The following MAP1S variants were observed in gnomAD, a reference collection of about 807,000 sequenced individuals.
The protein encoded by MAP1S is microtubule associated protein 1S.
In MAP1S, 27 loss-of-function variants were observed where a neutral mutation model predicts 60.9. The ratio of observed to expected loss-of-function variants is 0.44; its 90% confidence interval spans 0.33 to 0.61. The LOEUF is 0.61. Ranked by LOEUF, MAP1S falls within the 20% of genes least tolerant of loss-of-function variation. MAP1S has a pLI of 0.03. For synonymous variants in MAP1S, 826 were observed against 694.2 expected, an observed-to-expected ratio of 1.19 and a Z score of -2.98; for missense variants, 1,608 against 1,486.6, an observed-to-expected ratio of 1.08 and a Z score of -1.34.
rs1690960157 is a variant in MAP1S, at chr19:17,727,732, C to T, written c.2348C>T (p.Pro783Leu). 6.2e-7 allele frequency: 1 copy of T among 1,606,114 alleles called. No homozygotes were observed. The highest frequency in any genetic ancestry group is 1.1e-5 in the South Asian group (1 of 90,538). ...GGTGGGCTGGGGGCCGAGGAGACGC[C>T]ACCCACATCGGTCAGCGAGTCCCTG... ...RAGGLGAEET[P>L]PTSVSESLPT... The change falls in exon 5 of 7, where the codon CCA becomes CTA. Residue 783 changes from proline (P) to leucine (L), a missense_variant. Transcript: ENST00000324096. The surrounding 1 kb of genome is among the most constrained non-coding windows in gnomAD (Gnocchi z 4.1).
Position 17,727,034 on chromosome 19 carries a change from C to G in MAP1S, c.1650C>G (p.Asn550Lys), listed in dbSNP as rs773407229. 6.2e-7 allele frequency: 1 copy of G among 1,605,032 alleles called. No homozygotes were observed. The highest frequency in any genetic ancestry group is 8.5e-7 in the Non-Finnish European group (1 of 1,176,772). The change falls in exon 5 of 7, where the codon AAC becomes AAG. Residue 550 changes from asparagine (N) to lysine (K), a missense_variant. Physicochemically the swap from Asn to Lys is moderately conservative, Grantham distance 94. Around this residue, in one of 4 missense-constraint regions of MAP1S, gnomAD observed 1,167 missense variants for 961.4 expected, o/e 1.21. Coordinates refer to ENST00000324096, the MANE Select transcript of MAP1S (RefSeq NM_018174.6). This position sits in a 1 kb window ranked among gnomAD's most constrained non-coding sequence, Gnocchi z 4.1. The part of the protein sequence containing the change: ...EVRRAASSVP[N>K]LKKTNAQAAP... ...GCCGGGCAGCCTCTTCTGTGCCCAA[C>G]CTCAAGAAGACGAATGCCCAGGCGG...
rs748620237 is a variant in MAP1S, at chr19:17,725,193, A to T, written c.444+4A>T. 1 of 1,607,806 alleles carries T rather than the reference A, an allele frequency of 6.2e-7. No homozygotes were observed. Among genetic ancestry groups the T allele is most frequent in the Non-Finnish European group, 8.5e-7 (1 of 1,176,638 alleles). On this transcript the variant is annotated splice_donor_region_variant and intron_variant, in intron 4 of 6. Coordinates refer to ENST00000324096, the MANE Select transcript of MAP1S (RefSeq NM_018174.6). This position sits in a 1 kb window ranked among gnomAD's most constrained non-coding sequence, Gnocchi z 4.2. ...CCAGGTCCTGAAGGACAGAGAGGTA[A>T]GCCACCCCTTTGCCATCCCCTGCTT...
At position 17,721,984 on chromosome 19, in the gene MAP1S, G is replaced by A. The variant is rs534955587; in HGVS notation, c.220+947G>A. Among the ~76,000 whole-genome samples the A allele has an allele frequency of 2.6e-5, 4 of 152,286 alleles. No individual in the cohort carries two copies. In the South Asian group the frequency reaches 8.3e-4, roughly 32 times the overall value. On this transcript the variant is annotated intron_variant, in intron 2 of 6. Coordinates refer to ENST00000324096, the MANE Select transcript of MAP1S (RefSeq NM_018174.6). Reference sequence around the variant, plus strand: ...GTCACCTCCCGGCTGCTGCTGGAGAGGAAGGAAGTGTCTGTAGTCTCATTG... The same window carrying A: ...GTCACCTCCCGGCTGCTGCTGGAGAAGAAGGAAGTGTCTGTAGTCTCATTG...
Position 17,727,782 on chromosome 19 carries a change from G to A in MAP1S, c.2398G>A (p.Val800Met), listed in dbSNP as rs761725732. 5.0e-6 allele frequency: 8 copies of A among 1,611,244 alleles called. No individual in the cohort carries two copies. Among genetic ancestry groups the A allele is most frequent in the Middle Eastern group, 1.6e-4 (1 of 6,074 alleles). ...GCCCACCCTGTCTGACTCGGATCCC[G>A]TGCCCCTGGCCCCCGGTGCGGCAGA... is the stretch of plus-strand genomic sequence containing the variant. ...SLPTLSDSDP[V>M]PLAPGAADSD... Residue 800 changes from valine (V) to methionine (M), a missense_variant, in exon 5 of 7, where the codon GTG (valine) becomes ATG (methionine). Around this residue, in one of 4 missense-constraint regions of MAP1S, gnomAD observed 1,167 missense variants for 961.4 expected, o/e 1.21. Transcript: ENST00000324096. This position sits in a 1 kb window ranked among gnomAD's most constrained non-coding sequence, Gnocchi z 4.1.
rs138353825 is a variant in MAP1S at position 17,730,699 on chromosome 19, G to A, written c.2789-2494G>A. ...AATCATTCTGGACATTAATCCTTTA[G>A]CAGATAAATGGCTTGCAAATATTTC... On this transcript the variant is annotated intron_variant, in intron 5 of 6. Transcript: ENST00000324096. Among the ~76,000 whole-genome samples the A allele has an allele frequency of 4.7e-3, 711 of 152,230 alleles. 2 individuals carry two copies. The highest frequency in any genetic ancestry group is 6.9e-3 in the Non-Finnish European group (469 of 68,010).
intron 5 of MAP1S, among the ~76,000 whole-genome samples, chr19:17,731,947 G>A (rs1009082788): frequency 2.6e-5 from 4 of 152,244 alleles, no homozygotes; most frequent in East Asian, 1.9e-4. Context: ...GATTACAGGC[G>A]TGAGCCACTG....
intron 1 of MAP1S, 29 bp from the exon 2 acceptor site, chr19:17,720,907 C>A: frequency 6.4e-7 from 1 of 1,574,132 alleles, no homozygotes; most frequent in Non-Finnish European, 8.7e-7. Context: ...CCCGGCTGAA[C>A]TCCCGCCTTG....
intron 5 of MAP1S, 113 bp downstream of exon 5, chr19:17,728,285 CTG>C (rs765468096): frequency 5.5e-5 from 67 of 1,211,136 alleles, no homozygotes; most frequent in Non-Finnish European, 7.2e-5. Flanking sequence ...TGGTCTCACT[CTG>C]TCTCTGAGCT....
At chr19:17,724,978 C>A in intron 3 of MAP1S, 71 bp from the exon 4 acceptor site, 1 of 1,600,622 alleles carries the variant, frequency 6.2e-7, no homozygotes, top group Non-Finnish European at 8.6e-7. Flanking sequence ...CGACTCGAGG[C>A]TACCCCAAAG....
At chr19:17,723,534 G>A (rs777633972) in intron 2 of MAP1S, among the ~76,000 whole-genome samples, 4 of 142,878 alleles carry the variant, frequency 2.8e-5, no homozygotes, top group Non-Finnish European at 4.5e-5. Flanking sequence ...GGCAACAAGA[G>A]CAAAACTCCG....
Position 17,726,707 on chromosome 19 carries a change from C to A in MAP1S, c.1323C>A (p.Leu441=), listed in dbSNP as rs1568292766. ...LFPGCTPPAC[L]LDGLVRLQHL... is the part of the protein sequence containing the mutation. ...CCGGTTGCACCCCGCCCGCCTGCCT[C>A]CTGGACGGCCTGGTCCGCCTGCAGC... is the stretch of plus-strand genomic sequence containing the variant. The change falls in exon 5 of 7, where the codon CTC becomes CTA. Residue 441 remains leucine, a synonymous_variant. Transcript: ENST00000324096. 1.3e-6 allele frequency: 2 copies of A among 1,591,106 alleles called. No individual in the cohort carries two copies. The highest frequency in any genetic ancestry group is 4.6e-5 in the East Asian group (2 of 43,868).
At chr19:17,733,060 T>C (rs1344616126) in intron 5 of MAP1S, 133 bp from the exon 6 acceptor site, 2 of 605,872 alleles carry the variant, frequency 3.3e-6, no homozygotes, top group Non-Finnish European at 5.8e-6. Context: ...GCACCAGGCC[T>C]CCCCAGAAAA....
At position 17,727,239 on chromosome 19, in the gene MAP1S, G is replaced by T. The variant is rs748332309; in HGVS notation, c.1855G>T (p.Gly619Trp). ...CCTGGAGCTGGGGCCGATCCCAGCC[G>T]GGGAGGAGAAGGCACTGGAGCTGCC... ...PSLELGPIPA[G>W]EEKALELPLA... Residue 619 changes from glycine to tryptophan, a missense_variant, in exon 5 of 7, where the codon GGG (glycine) becomes TGG (tryptophan). This residue lies in a region of MAP1S where 1,167 missense variants were observed against 961.4 expected (regional missense o/e 1.21). Coordinates refer to ENST00000324096, the MANE Select transcript of MAP1S (RefSeq NM_018174.6). The surrounding 1 kb of genome is among the most constrained non-coding windows in gnomAD (Gnocchi z 4.1). The T allele has an allele frequency of 2.6e-6, 4 of 1,567,924 alleles. No homozygotes were observed. Among genetic ancestry groups the T allele is most frequent in the Admixed American group, 3.7e-5 (2 of 54,630 alleles).
Position 17,725,894 on chromosome 19 carries a change from C to T in MAP1S, c.510C>T (p.Pro170=), listed in dbSNP as rs556832140. 4.3e-6 allele frequency: 7 copies of T among 1,613,820 alleles called. No individual in the cohort carries two copies. The East Asian group carries it at 6.7e-5, about 15-fold the overall frequency. The change falls in exon 5 of 7, where the codon CCC becomes CCT. Residue 170 remains proline (P), a synonymous_variant. Transcript: ENST00000324096. The surrounding 1 kb of genome is among the most constrained non-coding windows in gnomAD (Gnocchi z 4.2). ...VQPPILTITC[P]TFGDWAQLAP... is the part of the protein sequence containing the mutation. ...CGCCCATACTCACCATCACCTGCCC[C>T]ACCTTCGGTGACTGGGCTCAGCTGG...
Position 17,725,953 on chromosome 19 carries a change from G to A in MAP1S, c.569G>A (p.Arg190Gln), listed in dbSNP as rs756336489. 6.2e-6 allele frequency: 10 copies of A among 1,612,804 alleles called. No homozygotes were observed. The highest frequency in any genetic ancestry group is 2.2e-5 in the East Asian group (1 of 44,880). Residue 190 changes from arginine (R) to glutamine (Q), a missense_variant, in exon 5 of 7, where the codon CGG becomes CAG. This residue lies in a region of MAP1S where 320 missense variants were observed against 393.1 expected (regional missense o/e 0.81). Transcript: ENST00000324096. This position sits in a 1 kb window ranked among gnomAD's most constrained non-coding sequence, Gnocchi z 4.2. ...PAVPGLQGAL[R>Q]LQLRLNPPAQ... ...GTGCCTGGCCTTCAGGGGGCGCTCC[G>A]GCTCCAGCTGCGGCTGAACCCCCCG...
Position 17,725,299 on chromosome 19 carries a change from A to G in MAP1S, c.444+110A>G, listed in dbSNP as rs8112232. On this transcript the variant is annotated intron_variant, in intron 4 of 6. Transcript: ENST00000324096. The surrounding 1 kb of genome is among the most constrained non-coding windows in gnomAD (Gnocchi z 4.2). ...CTGTTTTCCATGGCCTGGTCTCCCCATCCTCTGTAGGATGGCAGTGGTGAC... is the reference window on the plus strand; with the variant it reads ...CTGTTTTCCATGGCCTGGTCTCCCCGTCCTCTGTAGGATGGCAGTGGTGAC... 0.48 allele frequency: 645,537 copies of G among 1,331,284 alleles called. 164,030 individuals are homozygous for G. Among genetic ancestry groups the G allele is most frequent in the African/African-American group, 0.63 (43,089 of 67,974 alleles). The allele number at this position is 1,331,284 out of a possible 1,614,324, so 82.5% of individuals were successfully genotyped here.
chr19:17,727,752 T>C lies in MAP1S; in HGVS notation c.2368T>C (p.Ser790Pro). 6.2e-7 allele frequency: 1 copy of C among 1,606,404 alleles called. No homozygotes were observed. The highest frequency in any genetic ancestry group is 8.5e-7 in the Non-Finnish European group (1 of 1,176,398). ...GACGCCACCCACATCGGTCAGCGAG[T>C]CCCTGCCCACCCTGTCTGACTCGGA... ...EETPPTSVSE[S>P]LPTLSDSDPV... The change falls in exon 5 of 7, where the codon TCC becomes CCC. Residue 790 changes from serine (S) to proline (P), a missense_variant. Ser to Pro is a moderately conservative substitution (Grantham distance 74, BLOSUM62 -1). This residue lies in a region of MAP1S where 1,167 missense variants were observed against 961.4 expected (regional missense o/e 1.21). Coordinates refer to ENST00000324096, the MANE Select transcript of MAP1S (RefSeq NM_018174.6). This position sits in a 1 kb window ranked among gnomAD's most constrained non-coding sequence, Gnocchi z 4.1.
intron 5 of MAP1S, among the ~76,000 whole-genome samples, chr19:17,732,112 G>A (rs2080498419): frequency 6.6e-6 from 1 of 152,196 alleles, no homozygotes; most frequent in South Asian, 2.1e-4. Flanking sequence ...CAGTTCCTCG[G>A]AAAAGTTTGA....
intron 2 of MAP1S, chr19:17,721,443 G>A (rs2080369787): frequency 3.4e-6 from 1 of 294,824 alleles, no homozygotes; most frequent in Admixed American, 4.9e-5. Flanking sequence ...TTGGGAGGCC[G>A]CAGCGGGCGG....
Sources: gnomAD v4.1 joint callset for allele counts (sites outside exome capture counted in the v4.1 genomes callset) on GRCh38, gnomAD v4.1.1 for gene constraint, gnomAD v4.1.1 regional missense constraint, Gnocchi (gnomAD v3.1) non-coding constraint, MANE v1.5 for transcripts, NCBI Gene and HGNC (gene_info 2026-07-23, HGNC 2026-07-21) for gene names.